GALNT17: variants seen among roughly 807,000 people sequenced by gnomAD.
The protein encoded by GALNT17 is UDP-GalNAc:polypeptide N-acetylgalactosaminyltransferase-like 3.
A neutral mutation model predicts 63.7 loss-of-function variants in GALNT17; 29 were observed. That is an observed-to-expected ratio of 0.46 (90% CI 0.34 to 0.62). GALNT17 has a LOEUF of 0.62. Ranked by LOEUF, GALNT17 falls within the 20% of genes least tolerant of loss-of-function variation. The probability of loss-of-function intolerance (pLI) is 0.01; values close to 1 mark genes in which losing one functional copy is unlikely to be tolerated. For missense variants in GALNT17, 603 were observed against 799.6 expected (o/e 0.75, Z 2.97); for synonymous variants, 305 against 318.3 (o/e 0.96, Z 0.45).
intron 1 of GALNT17, among the ~76,000 whole-genome samples, chr7:71,220,795 C>T (rs866937201): frequency 7.9e-5 from 12 of 152,088 alleles, no homozygotes; most frequent in South Asian, 2.1e-4. Context: ...CAAGGAGAGA[C>T]GTCTCAGAAT....
At chr7:71,569,503 C>G (rs1226017153) in intron 5 of GALNT17, among the ~76,000 whole-genome samples, 1 of 152,138 alleles carries the variant, frequency 6.6e-6, no homozygotes, top group Non-Finnish European at 1.5e-5. Flanking sequence ...ATGTTTAACT[C>G]TCACTTACAA....
At chr7:71,300,246 T>C (rs924469144) in intron 1 of GALNT17, 1 of 288,872 alleles carries the variant, frequency 3.5e-6, no homozygotes, top group African/African-American at 2.2e-5. Context: ...TTTTAGTAAT[T>C]TAGGTTGAAG....
chr7:71,161,188 T>C (rs375665138), intron 1 of GALNT17, among the ~76,000 whole-genome samples: 38 of 152,208 alleles, frequency 2.5e-4, no homozygotes, highest in African/African-American at 8.9e-4. Context: ...TCACCAGCAA[T>C]GTATAAAATC....
intron 5 of GALNT17, among the ~76,000 whole-genome samples, chr7:71,458,474 G>A (rs1472602681): frequency 1.3e-5 from 2 of 152,146 alleles, no homozygotes; most frequent in East Asian, 1.9e-4. Flanking sequence ...GCATTTATAC[G>A]TTTGTACTCA....
intron 8 of GALNT17, among the ~76,000 whole-genome samples, chr7:71,672,725 T>G (rs1181130866): frequency 6.6e-6 from 1 of 152,140 alleles, no homozygotes; most frequent in Admixed American, 6.6e-5. Context: ...CTAATTTTTG[T>G]GTTTTTGTAG....
At chr7:71,273,125 T>C (rs973154000) in intron 1 of GALNT17, among the ~76,000 whole-genome samples, 1 of 152,112 alleles carries the variant, frequency 6.6e-6, no homozygotes, top group Admixed American at 6.6e-5. Flanking sequence ...TATAATTCCA[T>C]GATAATGACA....
intron 1 of GALNT17, among the ~76,000 whole-genome samples, chr7:71,329,899 A>G (rs1008770953): frequency 6.3e-5 from 9 of 143,688 alleles, no homozygotes; most frequent in Non-Finnish European, 3.0e-5. Flanking sequence ...AAGAATATAT[A>G]TATGTATATA....
intron 5 of GALNT17, among the ~76,000 whole-genome samples, chr7:71,444,149 G>C (rs958399889): frequency 6.6e-6 from 1 of 152,196 alleles, no homozygotes; most frequent in African/African-American, 2.4e-5. Context: ...TCTGCCATGG[G>C]CCTAACTTGG....
chr7:71,142,615 T>C (rs115511712), intron 1 of GALNT17, among the ~76,000 whole-genome samples: 404 of 152,350 alleles, frequency 2.7e-3, no homozygotes, highest in African/African-American at 9.2e-3. Context: ...GATATCTTTG[T>C]GGCTTTACCA....
chr7:71,569,549 A>G (rs1395949341), intron 5 of GALNT17, among the ~76,000 whole-genome samples: 1 of 152,040 alleles, frequency 6.6e-6, no homozygotes, highest in Non-Finnish European at 1.5e-5. Flanking sequence ...CTGTTCCTGC[A>G]TTAATTTGTT....
At chr7:71,415,085 C>G (rs1793500902) in intron 3 of GALNT17, among the ~76,000 whole-genome samples, 2 of 152,086 alleles carry the variant, frequency 1.3e-5, no homozygotes, top group South Asian at 2.1e-4. Flanking sequence ...CTATAGCTCA[C>G]TGCAGCCTCC....
In GALNT17 at chr7:71,431,209, CTTT is replaced by C. The variant is rs1265130879; in HGVS notation, c.962+10122_962+10124del. 1.7e-4 allele frequency among the ~76,000 whole-genome samples: 20 copies of C among 115,112 alleles called. 3 individuals carry two copies. Among genetic ancestry groups the C allele is most frequent in the Admixed American group, 7.9e-4 (8 of 10,170 alleles). The allele number at this position is 115,112 out of a possible 152,430, so 75.5% of individuals were successfully genotyped here. The stretch of plus-strand genomic sequence containing the variant: ...TGAGTATTTTTTTTTCTTTTCTTTT[CTTT>C]TTTTTTTTTTTTTTTTTGAGACAGA... On this transcript the variant is annotated intron_variant, in intron 5 of 10. Transcript: ENST00000333538.
intron 5 of GALNT17, among the ~76,000 whole-genome samples, chr7:71,493,424 TGGG>T: frequency 6.6e-6 from 1 of 152,138 alleles, no homozygotes; most frequent in South Asian, 2.1e-4. Context: ...TACTTAAGAC[TGGG>T]TAATTTATAA....
At chr7:71,612,358 A>G (rs773062010) in intron 6 of GALNT17, among the ~76,000 whole-genome samples, 1 of 152,210 alleles carries the variant, frequency 6.6e-6, no homozygotes, top group Admixed American at 6.5e-5. Context: ...ACCTTTAGAC[A>G]CTAAATATTT....
chr7:71,417,933 C>T (rs1786569438), intron 4 of GALNT17, among the ~76,000 whole-genome samples: 1 of 152,180 alleles, frequency 6.6e-6, no homozygotes, highest in South Asian at 2.1e-4. Context: ...TCTTGACCAC[C>T]ACTCTCCTAG....
intron 3 of GALNT17, among the ~76,000 whole-genome samples, chr7:71,392,422 G>A (rs1264056720): frequency 6.6e-6 from 1 of 152,140 alleles, no homozygotes; most frequent in East Asian, 1.9e-4. Context: ...TACACCTTTA[G>A]CAGCAAATGT....
At chr7:71,583,014 C>CTA (rs1280635053) in intron 6 of GALNT17, among the ~76,000 whole-genome samples, 1 of 152,082 alleles carries the variant, frequency 6.6e-6, no homozygotes, top group Non-Finnish European at 1.5e-5. Flanking sequence ...AAATTGAAGC[C>CTA]TATCATCTTT....
chr7:71,205,095 T>C (rs1217158203), intron 1 of GALNT17, among the ~76,000 whole-genome samples: 1 of 151,944 alleles, frequency 6.6e-6, no homozygotes. Flanking sequence ...ATCTTTTGTT[T>C]TCTTGGTTAA....
chr7:71,309,896 C>T (rs918561038), intron 1 of GALNT17, among the ~76,000 whole-genome samples: 3 of 152,186 alleles, frequency 2.0e-5, no homozygotes, highest in African/African-American at 7.2e-5. Flanking sequence ...ACCCAGATCT[C>T]ATCTTGAATT....
Sources: gnomAD v4.1 joint callset for allele counts (sites outside exome capture counted in the v4.1 genomes callset) on GRCh38, gnomAD v4.1.1 for gene constraint, MANE v1.5 for transcripts, NCBI Gene and HGNC (gene_info 2026-07-23, HGNC 2026-07-21) for gene names.